Variants in KDM5A observed in about 807,000 individuals in gnomAD.
KDM5A encodes lysine demethylase 5A, also known as lysine-specific demethylase 5A.
Under a neutral mutation model 193.5 loss-of-function variants are expected in KDM5A, and 42 were observed. The ratio of observed to expected loss-of-function variants is 0.22; its 90% confidence interval spans 0.17 to 0.28. The LOEUF (loss-of-function observed/expected upper bound fraction) is 0.28. Ranked by LOEUF, KDM5A falls within the 10% of genes least tolerant of loss-of-function variation. The pLI is 1.00. For missense variants in KDM5A, 1,692 were observed against 2,055.1 expected (o/e 0.82, Z 3.42); for synonymous variants, 796 against 718.1 (o/e 1.11, Z -1.73).
At chr12:366,982 A>G (rs1430425835) in intron 3 of KDM5A, among the ~76,000 whole-genome samples, 1 of 152,216 alleles carries the variant, frequency 6.6e-6, no homozygotes, top group African/African-American at 2.4e-5. Context: ...TATTCAGTAG[A>G]GTAACAGGCT....
chr12:371,582 TTTG>T (rs1944428327), intron 3 of KDM5A, among the ~76,000 whole-genome samples: 2 of 152,234 alleles, frequency 1.3e-5, no homozygotes, highest in South Asian at 4.1e-4. Context: ...GGTAGTTTCT[TTTG>T]TTGTGCAGAA....
chr12:383,241 T>A (rs1022602303), intron 3 of KDM5A, among the ~76,000 whole-genome samples: 2 of 151,098 alleles, frequency 1.3e-5, no homozygotes, highest in Non-Finnish European at 2.9e-5. Context: ...TGAGACAGGG[T>A]CTAACTCCTG....
intron 15 of KDM5A, 150 bp downstream of exon 15, chr12:323,450 A>C: frequency 2.2e-6 from 2 of 916,078 alleles, no homozygotes; most frequent in Non-Finnish European, 3.3e-6. Flanking sequence ...TTTAGGGCCA[A>C]CTTTAAGGGA....
chr12:322,676 TATA>T, intron 16 of KDM5A, 109 bp from the exon 17 acceptor site: 2 of 883,568 alleles, frequency 2.3e-6, no homozygotes, highest in South Asian at 1.4e-5. Flanking sequence ...CTTGTAGAAA[TATA>T]ATAATTAGTA....
chr12:304,886 C>G (rs945608355), intron 24 of KDM5A, among the ~76,000 whole-genome samples: 1 of 152,178 alleles, frequency 6.6e-6, no homozygotes, highest in Non-Finnish European at 1.5e-5. Context: ...TCAAAGGCCT[C>G]TAACTAGGGT....
intron 3 of KDM5A, among the ~76,000 whole-genome samples, chr12:379,455 G>A (rs1307920571): frequency 2.0e-5 from 2 of 100,410 alleles, no homozygotes; most frequent in Non-Finnish European, 3.9e-5. Flanking sequence ...CTGCGTGATG[G>A]CTACAAAACA....
At chr12:385,847 C>T (rs2137501897) in intron 2 of KDM5A, 50 bp downstream of exon 2, 1 of 1,406,200 alleles carries the variant, frequency 7.1e-7, no homozygotes, top group East Asian at 2.3e-5. Context: ...TACCTACAGC[C>T]CTAATATAAA....
In KDM5A at chr12:334,416, C is replaced by T; in HGVS notation, c.1315G>A (p.Ala439Thr). 6.2e-7 allele frequency: 1 copy of T among 1,612,540 alleles called. No homozygotes were observed. The highest frequency in any genetic ancestry group is 1.1e-5 in the South Asian group (1 of 91,052). Reference protein sequence around the residue: ...RKILPEEEEYALSGWNLNNMP... With the variant: ...RKILPEEEEYTLSGWNLNNMP... The stretch of plus-strand genomic sequence containing the variant: ...TTATTCAAATTCCAACCAGAAAGTG[C>T]ATATTCCTATAAGAGAAGAAAAAAC... The change falls in exon 11 of 28, where the codon GCA becomes ACA. Residue 439 changes from alanine (A) to threonine (T), a missense_variant. Physicochemically the swap from Ala to Thr is moderately conservative, Grantham distance 58 (BLOSUM62 0). Transcript: ENST00000399788.
chr12:345,719 G>A (rs1012952428), intron 10 of KDM5A, among the ~76,000 whole-genome samples: 1 of 152,210 alleles, frequency 6.6e-6, no homozygotes, highest in Non-Finnish European at 1.5e-5. Context: ...TGAAACAAAT[G>A]AGAACAAAAA....
At chr12:310,579 G>A (rs569761004) in intron 21 of KDM5A, among the ~76,000 whole-genome samples, 35 of 152,130 alleles carry the variant, frequency 2.3e-4, no homozygotes, top group Admixed American at 2.3e-3. Context: ...AGCTGCAGTG[G>A]GCCGAGACTG....
chr12:346,629 C>T (rs367996720), intron 10 of KDM5A, among the ~76,000 whole-genome samples: 5 of 152,196 alleles, frequency 3.3e-5, no homozygotes, highest in East Asian at 1.9e-4. Context: ...AATCGATAAA[C>T]GTAATCCATC....
At chr12:356,381 T>A (rs373209937) in intron 6 of KDM5A, 51 bp downstream of exon 6, 1 of 1,146,146 alleles carries the variant, frequency 8.7e-7, no homozygotes. Context: ...TGAGTTTTTT[T>A]ACAATCATAT....
intron 24 of KDM5A, among the ~76,000 whole-genome samples, chr12:305,283 T>TA (rs562967794): frequency 6.6e-6 from 1 of 152,204 alleles, no homozygotes; most frequent in East Asian, 1.9e-4. Context: ...TATTTTAATA[T>TA]AAAAAAAGAT....
rs112166652 is a variant in KDM5A at position 344,242 on chromosome 12, G to C, written c.1308+6379C>G. 4.3e-4 allele frequency among the ~76,000 whole-genome samples: 66 copies of C among 152,270 alleles called. No homozygotes were observed. In the East Asian group the frequency reaches 0.012, roughly 27 times the overall value. ...AAAAGAGTAAGAAGAAACAAACAAA[G>C]CCTCCAATAAATATGGGACTATGTG... On this transcript the variant is annotated intron_variant, in intron 10 of 27. Coordinates refer to ENST00000399788, the MANE Select transcript of KDM5A (RefSeq NM_001042603.3).
chr12:349,850 C>A (rs1186604576), intron 10 of KDM5A, among the ~76,000 whole-genome samples: 1 of 151,854 alleles, frequency 6.6e-6, no homozygotes, highest in African/African-American at 2.4e-5. Context: ...GCAGAGCTGG[C>A]CGGGCGCAGT....
rs150027598 is a variant in KDM5A, at chr12:344,498, G to T, written c.1308+6123C>A. ...CCAACGCTGAAATGAAGGAAAAAGT[G>T]TTAAGGGCAGCCAGAGAGAAAGGTC... On this transcript the variant is annotated intron_variant, in intron 10 of 27. Coordinates refer to ENST00000399788, the MANE Select transcript of KDM5A (RefSeq NM_001042603.3). Among the ~76,000 whole-genome samples the T allele has an allele frequency of 1.6e-4, 25 of 152,304 alleles. No homozygotes were observed. The East Asian group carries it at 4.8e-3, about 29-fold the overall frequency.
At position 331,951 on chromosome 12, in the gene KDM5A, T is replaced by G; in HGVS notation, c.1654-13A>C. 6.2e-7 allele frequency: 1 copy of G among 1,612,882 alleles called. No individual in the cohort carries two copies. The highest frequency in any genetic ancestry group is 8.5e-7 in the Non-Finnish European group (1 of 1,179,038). ...TGGTCCTGTACACCTAAATGCAAATTGGGAACAGGGATACAAAAATAAAAA... is the reference window on the plus strand; with the variant it reads ...TGGTCCTGTACACCTAAATGCAAATGGGGAACAGGGATACAAAAATAAAAA... On this transcript the variant is annotated splice_polypyrimidine_tract_variant and intron_variant, in intron 12 of 27. Transcript: ENST00000399788.
intron 14 of KDM5A, among the ~76,000 whole-genome samples, chr12:326,093 C>T (rs1188937894): frequency 6.6e-6 from 1 of 152,086 alleles, no homozygotes; most frequent in Non-Finnish European, 1.5e-5. Context: ...TAAGATGAGG[C>T]AATTAGGAAA....
intron 27 of KDM5A, chr12:286,167 T>TA (rs1175602802): frequency 2.0e-6 from 1 of 509,550 alleles, no homozygotes; most frequent in Admixed American, 2.1e-5. Context: ...TTAAAACTAA[T>TA]ATTTTTTATT....
Sources: gnomAD v4.1 joint callset for allele counts (sites outside exome capture counted in the v4.1 genomes callset) on GRCh38, gnomAD v4.1.1 for gene constraint, MANE v1.5 for transcripts, NCBI Gene and HGNC (gene_info 2026-07-23, HGNC 2026-07-21) for gene names.